Variants in CAV2 observed in about 807,000 individuals in gnomAD.
CAV2 encodes caveolin 2, also known as caveolin-2.
A neutral mutation model predicts 15.5 loss-of-function variants in CAV2; 7 were observed. The observed-to-expected ratio is 0.45, with a 90% CI of 0.26 to 0.85. The LOEUF is 0.85. Among genes scored for constraint, CAV2 ranks in the 40% least tolerant of loss-of-function variants. The probability of loss-of-function intolerance (pLI) is 0.18; values close to 1 mark genes in which losing one functional copy is unlikely to be tolerated. For synonymous variants in CAV2, 76 were observed against 83.1 expected (o/e 0.91, Z 0.46); for missense variants, 229 against 208.8 (o/e 1.10, Z -0.60).
intron 2 of CAV2, among the ~76,000 whole-genome samples, chr7:116,503,782 A>G (rs571842440): frequency 1.2e-4 from 18 of 151,830 alleles, no homozygotes; most frequent in South Asian, 4.2e-4. Context: ...GTGAGCCGAG[A>G]TCACTTCACT....
intron 2 of CAV2, 64 bp downstream of exon 2, chr7:116,500,511 C>A (rs1456429199): frequency 2.0e-5 from 30 of 1,478,016 alleles, no homozygotes; most frequent in Non-Finnish European, 2.8e-5. Context: ...CGCCACCTGC[C>A]CCCTACTCTC....
intron 2 of CAV2, among the ~76,000 whole-genome samples, 161 bp from the exon 3 acceptor site, chr7:116,505,810 A>G (rs1793219923): frequency 1.3e-5 from 2 of 152,320 alleles, no homozygotes; most frequent in South Asian, 4.1e-4. Flanking sequence ...GGGGGACAAA[A>G]AACCCAAATC....
chr7:116,504,060 GAA>G (rs2116130806), intron 2 of CAV2, among the ~76,000 whole-genome samples: 1 of 152,084 alleles, frequency 6.6e-6, no homozygotes, highest in Admixed American at 6.5e-5. Flanking sequence ...GAGAAAGAAA[GAA>G]AGAAGGAAGG....
chr7:116,506,030 G>A lies in CAV2; in HGVS notation c.398G>A (p.Trp133Ter), dbSNP rs762471931. Residue 133 changes from tryptophan (W) to a stop codon, truncating the protein, a stop_gained, in exon 3 of 3, where the codon TGG (tryptophan) becomes TAG (stop). Coordinates refer to ENST00000222693, the MANE Select transcript of CAV2 (RefSeq NM_001233.5). LOFTEE classifies it high-confidence loss of function. ...LMVLPSVQTI[W>*]KSVTDVIIAP... ...GTTCTGCCTTCAGTGCAGACAATATGGAAGAGTGTGACAGATGTTATCATT... is the reference window on the plus strand; with the variant it reads ...GTTCTGCCTTCAGTGCAGACAATATAGAAGAGTGTGACAGATGTTATCATT... 3 of 1,613,824 alleles carry A rather than the reference G, an allele frequency of 1.9e-6. No homozygotes were observed. The highest frequency in any genetic ancestry group is 2.2e-5 in the South Asian group (2 of 91,070).
intron 2 of CAV2, among the ~76,000 whole-genome samples, chr7:116,502,597 G>A (rs1372068255): frequency 6.6e-6 from 1 of 151,930 alleles, no homozygotes; most frequent in Non-Finnish European, 1.5e-5. Flanking sequence ...TTTTTGTTTT[G>A]TTTTCTTTTT....
chr7:116,502,835 T>A (rs1399857823), intron 2 of CAV2, among the ~76,000 whole-genome samples: 1 of 152,178 alleles, frequency 6.6e-6, no homozygotes, highest in Non-Finnish European at 1.5e-5. Flanking sequence ...GTGAATTAGT[T>A]GGATTCCATA....
intron 2 of CAV2, among the ~76,000 whole-genome samples, chr7:116,502,880 G>C (rs1271559310): frequency 2.6e-5 from 4 of 152,150 alleles, no homozygotes; most frequent in Admixed American, 2.6e-4. Context: ...TGTTTGTTAA[G>C]CACAGGTTAT....
chr7:116,507,668 T>A lies in CAV2; in HGVS notation c.*1547T>A, dbSNP rs1319695503. 1 of 101,412 alleles carries A rather than the reference T, an allele frequency of 9.9e-6. No homozygotes were observed. 6.3% of individuals were successfully genotyped at this position (101,412 alleles called of 1,614,324 possible). On this transcript the variant is annotated 3_prime_UTR_variant, in exon 3 of 3. Transcript: ENST00000222693. The stretch of plus-strand genomic sequence containing the variant: ...CGCCTGGCAACAGAGCAAGAGTCTG[T>A]CTCAAAAAAAAAAAGAAAAAAAGAA...
In CAV2 at chr7:116,506,222, T is replaced by C; in HGVS notation, c.*101T>C. On this transcript the variant is annotated 3_prime_UTR_variant, in exon 3 of 3. Transcript: ENST00000222693. ...CTGTTCATTTCCTAGCTGTTCTAAT[T>C]AAGAAAACTATTAAGATGAGCAACC... 1 of 1,151,720 alleles carries C rather than the reference T, an allele frequency of 8.7e-7. No homozygotes were observed. Among genetic ancestry groups the C allele is most frequent in the Non-Finnish European group, 1.2e-6 (1 of 814,418 alleles). The allele number at this position is 1,151,720 out of a possible 1,614,324, so 71.3% of individuals were successfully genotyped here. A position where few individuals can be genotyped will look rare whatever the true frequency, so the allele number is the denominator to read the frequency against.
At chr7:116,500,761 G>A in intron 2 of CAV2, 1 of 317,788 alleles carries the variant, frequency 3.1e-6, no homozygotes. Flanking sequence ...GCTGCTCTCG[G>A]GGCCCTGTTG....
rs1179263482 is a variant in CAV2, at chr7:116,506,326, T to C, written c.*205T>C. The C allele has an allele frequency of 1.9e-6, 1 of 539,792 alleles. No individual in the cohort carries two copies. Among genetic ancestry groups the C allele is most frequent in the African/African-American group, 1.9e-5 (1 of 52,600 alleles). 33.4% of individuals were successfully genotyped at this position (539,792 alleles called of 1,614,324 possible). ...TAGCCAAAGATTTCATATCTAACTTTGTAACCAGAATTATACAGTAAGTTG... is the reference window on the plus strand; with the variant it reads ...TAGCCAAAGATTTCATATCTAACTTCGTAACCAGAATTATACAGTAAGTTG... On this transcript the variant is annotated 3_prime_UTR_variant, in exon 3 of 3. Coordinates refer to ENST00000222693, the MANE Select transcript of CAV2 (RefSeq NM_001233.5).
In CAV2 at chr7:116,500,240, C is replaced by T; in HGVS notation, c.151-20C>T. On this transcript the variant is annotated intron_variant, in intron 1 of 2. Coordinates refer to ENST00000222693, the MANE Select transcript of CAV2 (RefSeq NM_001233.5). ...TCAGGTTGGCTGACAGTTCGGGGTCCCTGCGTCCTGTCTCCTCAGCTGGGC... is the reference window on the plus strand; with the variant it reads ...TCAGGTTGGCTGACAGTTCGGGGTCTCTGCGTCCTGTCTCCTCAGCTGGGC... The T allele has an allele frequency of 1.9e-6, 3 of 1,608,834 alleles. No homozygotes were observed. The highest frequency in any genetic ancestry group is 2.5e-6 in the Non-Finnish European group (3 of 1,177,334).
chr7:116,506,436 A>G lies in CAV2; in HGVS notation c.*315A>G, dbSNP rs1793241407. On this transcript the variant is annotated 3_prime_UTR_variant, in exon 3 of 3. Coordinates refer to ENST00000222693, the MANE Select transcript of CAV2 (RefSeq NM_001233.5). ...ATGATGAACTTATAATGATTAAGGG[A>G]CATTTCTATAAAAATACTACAATAG... is the stretch of plus-strand genomic sequence containing the variant. 1 of 220,726 alleles carries G rather than the reference A, an allele frequency of 4.5e-6. No homozygotes were observed. The highest frequency in any genetic ancestry group is 2.3e-5 in the African/African-American group (1 of 43,994). The allele number at this position is 220,726 out of a possible 1,614,324, so 13.7% of individuals were successfully genotyped here. A position where few individuals can be genotyped will look rare whatever the true frequency, so the allele number is the denominator to read the frequency against.
In CAV2 at chr7:116,500,366, AGTTCCTGACGGT is replaced by A; in HGVS notation, c.265_276del (p.Thr89_Leu92del). The A allele has an allele frequency of 6.2e-7, 1 of 1,614,214 alleles. No homozygotes were observed. Among genetic ancestry groups the A allele is most frequent in the Non-Finnish European group, 8.5e-7 (1 of 1,180,026 alleles). On this transcript the variant is annotated inframe_deletion, in exon 2 of 3. Transcript: ENST00000222693. ...GAAATCAGCAAATACGTAATGTACA[AGTTCCTGACGGT>A]GTTCCTGGCCATTCCCCTGGCCTTC...
rs1458981879 is a variant in CAV2 at position 116,500,443 on chromosome 7, A to T, written c.334A>T (p.Ile112Phe). The change falls in exon 2 of 3, where the codon ATC (isoleucine) becomes TTC (phenylalanine). Residue 112 changes from isoleucine to phenylalanine, a missense_variant. Ile to Phe is a conservative substitution (Grantham distance 21, BLOSUM62 0). Transcript: ENST00000222693. ...CTTTGCCACCCTCAGCTGTCTGCACATCTGGTGAGACGGGGCACACCGGGT... is the reference window on the plus strand; with the variant it reads ...CTTTGCCACCCTCAGCTGTCTGCACTTCTGGTGAGACGGGGCACACCGGGT... ...ILFATLSCLH[I>F]WILMPFVKTC... is the part of the protein sequence containing the mutation. The T allele has an allele frequency of 6.2e-7, 1 of 1,611,672 alleles. No individual in the cohort carries two copies. Among genetic ancestry groups the T allele is most frequent in the Non-Finnish European group, 8.5e-7 (1 of 1,179,068 alleles).
chr7:116,503,886 A>AGAGG (rs149766029), intron 2 of CAV2, among the ~76,000 whole-genome samples: 56 of 71,538 alleles, frequency 7.8e-4, no homozygotes, highest in African/African-American at 2.6e-3. Flanking sequence ...AGAAAGAAAG[A>AGAGG]GAGGGAGGGA....
intron 2 of CAV2, among the ~76,000 whole-genome samples, chr7:116,501,587 GC>G (rs1241443512): frequency 5.9e-5 from 9 of 152,220 alleles, no homozygotes; most frequent in Non-Finnish European, 1.2e-4. Context: ...TGGGCACTGG[GC>G]CAGGATGAAT....
Position 116,508,511 on chromosome 7 carries a change from C to T in CAV2, c.*2390C>T, listed in dbSNP as rs558821770. 1 of 151,898 alleles carries T rather than the reference C, an allele frequency of 6.6e-6. No homozygotes were observed. Among genetic ancestry groups the T allele is most frequent in the Non-Finnish European group, 1.5e-5 (1 of 67,966 alleles). The allele number at this position is 151,898 out of a possible 1,614,324, so 9.4% of individuals were successfully genotyped here. On this transcript the variant is annotated 3_prime_UTR_variant, in exon 3 of 3. Transcript: ENST00000222693. ...GGAGGTATATGATGAGCAGACTTCT[C>T]GGAATTCATAATAAATTTTCTAAAA...
At chr7:116,504,209 A>G (rs910587660) in intron 2 of CAV2, among the ~76,000 whole-genome samples, 2 of 152,132 alleles carry the variant, frequency 1.3e-5, no homozygotes, top group Admixed American at 6.5e-5. Context: ...TTTATTATAC[A>G]TTATAATGAC....
Sources: allele counts gnomAD v4.1 joint callset (sites outside exome capture counted in the v4.1 genomes callset), GRCh38; gene constraint gnomAD v4.1.1; transcripts MANE v1.5; gene names NCBI Gene and HGNC (gene_info 2026-07-23, HGNC 2026-07-21).